The following LRRC9 variants were observed in gnomAD, a reference collection of about 807,000 sequenced individuals.
LRRC9 encodes the protein leucine rich repeat containing 9.
LRRC9 carries 122 observed loss-of-function variants against 63.2 expected under a neutral mutation model. The ratio of observed to expected loss-of-function variants is 1.93; its 90% CI spans 1.67 to 2.24. The LOEUF (loss-of-function observed/expected upper bound fraction) is 2.24. Among genes scored for constraint, LRRC9 ranks in the 30% most tolerant of loss-of-function variants. LRRC9 has a pLI of 0.00. For synonymous variants in LRRC9, 366 were observed against 213.1 expected, an observed-to-expected ratio of 1.72 and a Z score of -6.25; for missense variants, 1,071 against 627.7, an observed-to-expected ratio of 1.71 and a Z score of -7.55.
At chr14:60,038,236 C>CTTGG (rs1892621330) in intron 29 of LRRC9, among the ~76,000 whole-genome samples, 1 of 152,138 alleles carries the variant, frequency 6.6e-6, no homozygotes, top group Non-Finnish European at 1.5e-5. Context: ...TTAGGATTGA[C>CTTGG]TTGGCAATGC....
At chr14:59,954,470 T>C (rs193199438) in intron 8 of LRRC9, among the ~76,000 whole-genome samples, 2 of 152,328 alleles carry the variant, frequency 1.3e-5, no homozygotes, top group African/African-American at 4.8e-5. Context: ...TTATCTATTA[T>C]TGGTGTATAG....
chr14:60,031,140 T>A lies in LRRC9; in HGVS notation c.3922-855T>A, dbSNP rs919170049. Among the ~76,000 whole-genome samples, 1 of 152,046 alleles carries A rather than the reference T, an allele frequency of 6.6e-6. No individual in the cohort carries two copies. The highest frequency in any genetic ancestry group is 1.5e-5 in the Non-Finnish European group (1 of 67,946). ...TGCTTGTGGGTAAAAATGCACAATA[T>A]CTCTATAGATTTACAGATTTTTCAA... On this transcript the variant is annotated intron_variant, in intron 28 of 31. Transcript: ENST00000445360. This position sits in a 1 kb window ranked among gnomAD's most constrained non-coding sequence, Gnocchi z 4.6.
chr14:60,051,886 C>T lies in LRRC9; in HGVS notation c.3991-1179C>T, dbSNP rs956623073. 2.0e-5 allele frequency among the ~76,000 whole-genome samples: 3 copies of T among 152,112 alleles called. No homozygotes were observed. The highest frequency in any genetic ancestry group is 4.4e-5 in the Non-Finnish European group (3 of 68,022). Reference sequence around the variant, plus strand: ...CATGGGAGAAGCGTGGTTTCCTGGGCACGATAGCACACTCACCGCTTCCCT... The same window carrying T: ...CATGGGAGAAGCGTGGTTTCCTGGGTACGATAGCACACTCACCGCTTCCCT... On this transcript the variant is annotated intron_variant, in intron 29 of 31. Transcript: ENST00000445360. The surrounding 1 kb of genome is among the most constrained non-coding windows in gnomAD (Gnocchi z 4.7).
chr14:59,928,245 C>T, intron 2 of LRRC9, 23 bp from the exon 3 acceptor site: 1 of 557,860 alleles, frequency 1.8e-6, no homozygotes, highest in Non-Finnish European at 3.1e-6. Flanking sequence ...AGGTAATGAC[C>T]AAATTTCTTT....
intron 27 of LRRC9, among the ~76,000 whole-genome samples, chr14:60,023,400 A>G (rs1329179210): frequency 2.6e-5 from 4 of 151,954 alleles, no homozygotes; most frequent in Non-Finnish European, 4.4e-5. Context: ...GAGTGATAGA[A>G]TCTAGATTGA....
At chr14:59,992,100 C>T (rs183779435) in intron 17 of LRRC9, among the ~76,000 whole-genome samples, 143 of 152,256 alleles carry the variant, frequency 9.4e-4, no homozygotes, top group African/African-American at 3.4e-3. Flanking sequence ...GCCGGGTACT[C>T]CTCTGAGACA....
At chr14:60,044,299 T>C (rs1893221668) in intron 29 of LRRC9, among the ~76,000 whole-genome samples, 2 of 152,158 alleles carry the variant, frequency 1.3e-5, no homozygotes, top group Non-Finnish European at 2.9e-5. Flanking sequence ...CATTTATTTC[T>C]GCTCTGATAT....
exon 25 of LRRC9, chr14:60,018,417 G>A (rs1321814658): frequency 4.3e-6 from 3 of 700,444 alleles, no homozygotes; most frequent in Non-Finnish European, 7.8e-6. Flanking sequence ...TGTGTGTAAT[G>A]TGAATCTACA....
In LRRC9 at chr14:59,938,478, G is replaced by GTAAT. The variant is rs1189126329; in HGVS notation, c.635_638dup (p.Tyr213Ter). The GTAAT allele has an allele frequency of 1.4e-6, 1 of 697,758 alleles. No homozygotes were observed. The highest frequency in any genetic ancestry group is 2.7e-5 in the East Asian group (1 of 36,762). 43.2% of individuals were successfully genotyped at this position (697,758 alleles called of 1,614,324 possible). ...ACAACCAATCCAGTTTGTCTTCTGT[G>GTAAT]TAATTATTCCACACATGTATTATAT... On this transcript the variant is annotated frameshift_variant, in exon 7 of 32. Coordinates refer to ENST00000445360, the Ensembl canonical transcript of LRRC9. LOFTEE classifies it high-confidence loss of function. The surrounding 1 kb of genome is among the most constrained non-coding windows in gnomAD (Gnocchi z 4.2).
At chr14:59,989,466 T>C (rs973598401) in intron 17 of LRRC9, among the ~76,000 whole-genome samples, 1 of 152,204 alleles carries the variant, frequency 6.6e-6, no homozygotes, top group African/African-American at 2.4e-5. Context: ...TTTCTTAAAT[T>C]ATTTTATTAT....
At chr14:59,975,115 A>G (rs184440946) in intron 13 of LRRC9, among the ~76,000 whole-genome samples, 1,667 of 16,006 alleles carry the variant, frequency 0.1, 288 homozygotes, top group African/African-American at 0.16. Context: ...ATATATATGT[A>G]TATATATATA....
intron 29 of LRRC9, among the ~76,000 whole-genome samples, chr14:60,034,252 C>T (rs1892244791): frequency 6.6e-6 from 1 of 151,896 alleles, no homozygotes; most frequent in Non-Finnish European, 1.5e-5. Flanking sequence ...CTCCTGACCT[C>T]ATGATCCACC....
chr14:60,008,641 T>A (rs1304976271), intron 23 of LRRC9, among the ~76,000 whole-genome samples: 1 of 152,134 alleles, frequency 6.6e-6, no homozygotes, highest in Admixed American at 6.5e-5. Context: ...CATTACTAAG[T>A]AAGCTGTAAA....
At chr14:59,934,586 C>G (rs1172471361) in intron 6 of LRRC9, among the ~76,000 whole-genome samples, 1 of 152,138 alleles carries the variant, frequency 6.6e-6, no homozygotes, top group Non-Finnish European at 1.5e-5. Flanking sequence ...TGATAGAAAT[C>G]AGAGACACTG....
At chr14:59,946,415 A>G (rs1882400200) in intron 8 of LRRC9, among the ~76,000 whole-genome samples, 1 of 151,446 alleles carries the variant, frequency 6.6e-6, no homozygotes, top group African/African-American at 2.4e-5. Context: ...TATTAAGTAA[A>G]ATCTGCAAAT....
downstream of LRRC9, among the ~76,000 whole-genome samples, chr14:60,066,498 A>C (rs2140491410): frequency 6.6e-6 from 1 of 152,234 alleles, no homozygotes; most frequent in Non-Finnish European, 1.5e-5. Flanking sequence ...CATTTTGGTT[A>C]TGGGCTAGAA....
At chr14:60,000,417 C>T (rs1243134050) in intron 19 of LRRC9, among the ~76,000 whole-genome samples, 1 of 152,104 alleles carries the variant, frequency 6.6e-6, no homozygotes, top group Non-Finnish European at 1.5e-5. Context: ...AACAAACCTG[C>T]ACATGTACCC....
In LRRC9 at chr14:59,924,040, A is replaced by G. The variant is rs138024061; in HGVS notation, c.-33-3871A>G. 3.3e-3 allele frequency among the ~76,000 whole-genome samples: 502 copies of G among 152,344 alleles called. 5 individuals carry two copies. The highest frequency in any genetic ancestry group is 0.011 in the African/African-American group (473 of 41,580). On this transcript the variant is annotated intron_variant, in intron 1 of 31. Coordinates refer to ENST00000445360, the Ensembl canonical transcript of LRRC9. The stretch of plus-strand genomic sequence containing the variant: ...ACTAGAAAGTCCAAAATTAGGCCCC[A>G]GTGTATGTGATCATTTAGAATATAA...
rs778146244 is a variant in LRRC9 at position 59,958,027 on chromosome 14, A to T, written c.883-1791A>T. On this transcript the variant is annotated intron_variant, in intron 8 of 31. Transcript: ENST00000445360. This position sits in a 1 kb window ranked among gnomAD's most constrained non-coding sequence, Gnocchi z 4.0. ...TTCATCCTGAAGGAGCACTGGCCTG[A>T]TGCCAACCAGAGCTCTCCTGTATGA... 6.6e-6 allele frequency among the ~76,000 whole-genome samples: 1 copy of T among 152,202 alleles called. No individual in the cohort carries two copies. The highest frequency in any genetic ancestry group is 1.5e-5 in the Non-Finnish European group (1 of 68,030).
Sources: gnomAD v4.1 joint callset for allele counts (sites outside exome capture counted in the v4.1 genomes callset) on GRCh38, gnomAD v4.1.1 for gene constraint, Gnocchi (gnomAD v3.1) non-coding constraint, MANE v1.5 for transcripts, NCBI Gene and HGNC (gene_info 2026-07-23, HGNC 2026-07-21) for gene names.